NR5A2: variants seen among roughly 807,000 people sequenced by gnomAD.
NR5A2 encodes nuclear receptor subfamily 5 group A member 2, also known as CYP7A promoter-binding factor.
A neutral mutation model predicts 62.7 loss-of-function variants in NR5A2; 26 were observed. That is an observed-to-expected ratio of 0.41 (90% confidence interval 0.30 to 0.58). The LOEUF is 0.58. Among genes scored for constraint, NR5A2 ranks in the 20% least tolerant of loss-of-function variants. The pLI is 0.22. For synonymous variants in NR5A2, 246 were observed against 241.7 expected, an observed-to-expected ratio of 1.02 and a Z score of -0.16; for missense variants, 541 against 669.1, an observed-to-expected ratio of 0.81 and a Z score of 2.11.
At chr1:200,028,378 A>C (rs1447901091) in intron 1 of NR5A2, among the ~76,000 whole-genome samples, 1 of 146,690 alleles carries the variant, frequency 6.8e-6, no homozygotes, top group Non-Finnish European at 1.5e-5. Context: ...TACCGTAAAA[A>C]ATTTTCATTT....
chr1:200,154,110 A>T (rs1297465047), intron 7 of NR5A2, among the ~76,000 whole-genome samples: 1 of 152,220 alleles, frequency 6.6e-6, no homozygotes, highest in Non-Finnish European at 1.5e-5. Flanking sequence ...CACTTTCACC[A>T]CATTATTTCC....
intron 2 of NR5A2, among the ~76,000 whole-genome samples, chr1:200,040,668 G>T (rs921537591): frequency 1.3e-5 from 2 of 152,194 alleles, no homozygotes; most frequent in African/African-American, 4.8e-5. Context: ...CCCTTCCAGG[G>T]TGCAGGATGT....
rs1406612345 is a variant in NR5A2 at position 200,174,385 on chromosome 1, A to C, written c.*175A>C. 3.6e-6 allele frequency: 2 copies of C among 563,142 alleles called. No homozygotes were observed. Among genetic ancestry groups the C allele is most frequent in the African/African-American group, 1.9e-5 (1 of 51,788 alleles). The allele number at this position is 563,142 out of a possible 1,614,324, so 34.9% of individuals were successfully genotyped here. A position where few individuals can be genotyped will look rare whatever the true frequency, so the allele number is the denominator to read the frequency against. On this transcript the variant is annotated 3_prime_UTR_variant, in exon 8 of 8. Coordinates refer to ENST00000367362, the MANE Select transcript of NR5A2 (RefSeq NM_205860.3). ...CATAATAATCAAATACTTAATAGCA[A>C]ATAAATGATGTATCAGGGTATTTGT...
chr1:200,096,145 G>A (rs1440837306), intron 5 of NR5A2, among the ~76,000 whole-genome samples: 1 of 152,090 alleles, frequency 6.6e-6, no homozygotes, highest in African/African-American at 2.4e-5. Context: ...CCAGGCTGGA[G>A]TGCACTATCT....
intron 1 of NR5A2, among the ~76,000 whole-genome samples, chr1:200,033,135 C>A (rs1457648435): frequency 6.6e-6 from 1 of 152,096 alleles, no homozygotes. Context: ...TTCTGGTCCC[C>A]TACTCTGGAG....
chr1:200,046,054 G>A (rs902555327), intron 4 of NR5A2, among the ~76,000 whole-genome samples: 2 of 152,172 alleles, frequency 1.3e-5, no homozygotes, highest in African/African-American at 4.8e-5. Context: ...ATTCTTAAGA[G>A]TTAAAGCCTT....
At chr1:200,054,146 A>G (rs547481757) in intron 5 of NR5A2, 15 of 152,336 alleles carry the variant, frequency 9.8e-5, no homozygotes, top group African/African-American at 3.6e-4. Context: ...ACAGGCATTC[A>G]TGAAACTGTC....
intron 5 of NR5A2, among the ~76,000 whole-genome samples, chr1:200,101,015 T>G (rs1665340590): frequency 6.6e-6 from 1 of 152,214 alleles, no homozygotes; most frequent in Non-Finnish European, 1.5e-5. Context: ...TCTTCATTTA[T>G]CCCATTCATC....
chr1:200,043,780 A>T lies in NR5A2; in HGVS notation c.209A>T (p.Gln70Leu). 1 of 1,603,650 alleles carries T rather than the reference A, an allele frequency of 6.2e-7. No homozygotes were observed. The highest frequency in any genetic ancestry group is 8.5e-7 in the Non-Finnish European group (1 of 1,171,406). Reference protein sequence around the residue: ...GQMPENMQVSQFKMVNYSYDE... With the variant: ...GQMPENMQVSLFKMVNYSYDE... ...ATTTCTCTTTTTGTTTCAGTGTCTC[A>T]ATTTAAAATGGTGAATTACTCCTAT... Residue 70 changes from glutamine to leucine, a missense_variant, in exon 3 of 8, where the codon CAA (glutamine) becomes CTA (leucine). Gln to Leu is a moderately radical substitution (Grantham distance 113). Coordinates refer to ENST00000367362, the MANE Select transcript of NR5A2 (RefSeq NM_205860.3).
chr1:200,061,911 T>G (rs12095688), intron 5 of NR5A2, among the ~76,000 whole-genome samples: 5,547 of 152,280 alleles, frequency 0.036, 328 homozygotes, highest in African/African-American at 0.12. Flanking sequence ...GATAATTACT[T>G]CATTTAAATT....
chr1:200,144,744 G>A (rs184462452), intron 7 of NR5A2, among the ~76,000 whole-genome samples: 38 of 152,196 alleles, frequency 2.5e-4, no homozygotes, highest in East Asian at 7.7e-4. Flanking sequence ...TAGATACATC[G>A]TTATCTCATT....
At chr1:200,062,298 A>G (rs1486369883) in intron 5 of NR5A2, among the ~76,000 whole-genome samples, 1 of 141,306 alleles carries the variant, frequency 7.1e-6, no homozygotes, top group Non-Finnish European at 1.6e-5. Context: ...TTGAGTGCAT[A>G]TCCTGTTTTC....
At position 200,084,354 on chromosome 1, in the gene NR5A2, T is replaced by C. The variant is rs114213235; in HGVS notation, c.1111-26848T>C. On this transcript the variant is annotated intron_variant, in intron 5 of 7. Coordinates refer to ENST00000367362, the MANE Select transcript of NR5A2 (RefSeq NM_205860.3). ...CTGGCATATGGTGAGTTCAAGTACA[T>C]TTCCCACATATGCTCAGGGATTATC... Among the ~76,000 whole-genome samples, 341 of 152,310 alleles carry C rather than the reference T, an allele frequency of 2.2e-3. 3 individuals are homozygous for C. The highest frequency in any genetic ancestry group is 7.8e-3 in the African/African-American group (326 of 41,562).
intron 5 of NR5A2, among the ~76,000 whole-genome samples, chr1:200,096,826 A>G (rs1470903252): frequency 1.3e-5 from 2 of 152,252 alleles, no homozygotes; most frequent in African/African-American, 4.8e-5. Context: ...AGTGTAGAAT[A>G]GTAACATGCT....
At position 200,107,042 on chromosome 1, in the gene NR5A2, G is replaced by C. The variant is rs372448783; in HGVS notation, c.1111-4160G>C. 3.9e-5 allele frequency among the ~76,000 whole-genome samples: 6 copies of C among 152,278 alleles called. 1 individual carries two copies. Among genetic ancestry groups the C allele is most frequent in the African/African-American group, 1.4e-4 (6 of 41,558 alleles). The stretch of plus-strand genomic sequence containing the variant: ...TTGCTCGAGTGGCGGGGGCGGCGTT[G>C]GGTGTTAAAATTAACAATCAGTCAA... On this transcript the variant is annotated intron_variant, in intron 5 of 7. Coordinates refer to ENST00000367362, the MANE Select transcript of NR5A2 (RefSeq NM_205860.3).
Position 200,147,487 on chromosome 1 carries a change from G to T in NR5A2, c.1379-26476G>T. ...AGCTCTTTGAGGCAAGGGACAATTT[G>T]ATCTGTTTCTTCATCCTTAAAATTT... is the stretch of plus-strand genomic sequence containing the variant. On this transcript the variant is annotated intron_variant, in intron 7 of 7. Transcript: ENST00000367362. The surrounding 1 kb of genome is among the most constrained non-coding windows in gnomAD (Gnocchi z 4.9). 1 of 625,740 alleles carries T rather than the reference G, an allele frequency of 1.6e-6. No individual in the cohort carries two copies. The highest frequency in any genetic ancestry group is 1.4e-5 in the South Asian group (1 of 72,646). The allele number at this position is 625,740 out of a possible 1,614,324, so 38.8% of individuals were successfully genotyped here.
At chr1:200,099,919 G>A (rs1400598122) in intron 5 of NR5A2, among the ~76,000 whole-genome samples, 8 of 152,154 alleles carry the variant, frequency 5.3e-5, no homozygotes, top group African/African-American at 9.7e-5. Context: ...TTGGCTGATG[G>A]CATTGTTGCC....
At chr1:200,064,677 C>T (rs1175993865) in intron 5 of NR5A2, among the ~76,000 whole-genome samples, 10 of 152,310 alleles carry the variant, frequency 6.6e-5, no homozygotes, top group East Asian at 1.9e-4. Context: ...ATGCCCACCA[C>T]ATAATGTCAT....
chr1:200,083,836 A>T (rs1479373418), intron 5 of NR5A2, among the ~76,000 whole-genome samples: 2 of 152,012 alleles, frequency 1.3e-5, no homozygotes, highest in Non-Finnish European at 2.9e-5. Flanking sequence ...ATGGTGGCTC[A>T]TGCCTGTAAT....
Sources: gnomAD v4.1 joint callset for allele counts (sites outside exome capture counted in the v4.1 genomes callset) on GRCh38, gnomAD v4.1.1 for gene constraint, Gnocchi (gnomAD v3.1) non-coding constraint, MANE v1.5 for transcripts, NCBI Gene and HGNC (gene_info 2026-07-23, HGNC 2026-07-21) for gene names.